The following CTNNA3 variants were observed in gnomAD, a reference collection of about 807,000 sequenced individuals.
CTNNA3 encodes catenin alpha-3.
A neutral mutation model predicts 95.7 loss-of-function variants in CTNNA3; 76 were observed. The observed-to-expected ratio is 0.79, with a 90% CI of 0.66 to 0.96. The LOEUF (loss-of-function observed/expected upper bound fraction) is 0.96, where lower values mean the gene tolerates loss of function less well. Ranked by LOEUF, CTNNA3 falls within the 40% of genes least tolerant of loss-of-function variation. The pLI is 0.00. For synonymous variants in CTNNA3, 431 were observed against 374.4 expected, an observed-to-expected ratio of 1.15 and a Z score of -1.74; for missense variants, 1,191 against 1,089.8, an observed-to-expected ratio of 1.09 and a Z score of -1.31.
rs560030390 is a variant in CTNNA3, at chr10:66,928,469, T to TA, written c.1048-152946dup. 4.5e-6 allele frequency: 7 copies of TA among 1,565,496 alleles called. No individual in the cohort carries two copies. The South Asian group carries it at 4.8e-5, about 11-fold the overall frequency. ...GAGTGTGAGGTATGAACCATTGTGA[T>TA]AAAAAGAGCTCTTAAAAGCTGGGAA... is the stretch of plus-strand genomic sequence containing the variant. On this transcript the variant is annotated intron_variant, in intron 7 of 17. Coordinates refer to ENST00000433211, the MANE Select transcript of CTNNA3 (RefSeq NM_013266.4).
At chr10:67,247,086 TAAA>T (rs1272491408) in intron 5 of CTNNA3, among the ~76,000 whole-genome samples, 1 of 152,092 alleles carries the variant, frequency 6.6e-6, no homozygotes, top group Admixed American at 6.5e-5. Context: ...CTCCTTAAAA[TAAA>T]AAACTAAACA....
chr10:67,054,860 C>A (rs528571013), intron 7 of CTNNA3: 76 of 149,046 alleles, frequency 5.1e-4, no homozygotes, highest in African/African-American at 1.8e-3. Context: ...TCCAACACTT[C>A]CCAAGAGATC....
chr10:66,980,270 T>C (rs1850338202), intron 7 of CTNNA3, among the ~76,000 whole-genome samples: 1 of 152,148 alleles, frequency 6.6e-6, no homozygotes, highest in African/African-American at 2.4e-5. Context: ...CCTTGTCTCT[T>C]CTCCTAAGCC....
chr10:67,567,255 CA>C (rs57832662), intron 3 of CTNNA3, among the ~76,000 whole-genome samples: 9,225 of 135,110 alleles, frequency 0.068, 288 homozygotes, highest in South Asian at 0.14. Flanking sequence ...GAGAAAATGG[CA>C]AAAAAAAAAA....
Position 66,460,849 on chromosome 10 carries a change from C to CT in CTNNA3, c.1531+59767dup, listed in dbSNP as rs555476308. On this transcript the variant is annotated intron_variant, in intron 11 of 17. Coordinates refer to ENST00000433211, the MANE Select transcript of CTNNA3 (RefSeq NM_013266.4). ...CTCTGGCTCCTTGGAACTCACAAAT[C>CT]TTTTTTTTCTCTCAAGAAAGTTCAC... 4.9e-4 allele frequency among the ~76,000 whole-genome samples: 75 copies of CT among 152,096 alleles called. 1 individual carries two copies. The South Asian group carries it at 0.015, about 30-fold the overall frequency.
chr10:66,430,600 A>G lies in CTNNA3; in HGVS notation c.1532-51248T>C, dbSNP rs2093285755. 3.3e-5 allele frequency among the ~76,000 whole-genome samples: 5 copies of G among 152,274 alleles called. No homozygotes were observed. The South Asian group carries it at 1.0e-3, about 32-fold the overall frequency. ...ACAGAGCCCTCAGAAATAATACCAC[A>G]CATCTACAACTATCTGATCTTTGAC... On this transcript the variant is annotated intron_variant, in intron 11 of 17. Transcript: ENST00000433211.
intron 7 of CTNNA3, among the ~76,000 whole-genome samples, chr10:67,159,998 A>T (rs1030549603): frequency 6.6e-6 from 1 of 152,200 alleles, no homozygotes; most frequent in African/African-American, 2.4e-5. Context: ...TATCTAAAAC[A>T]GATCAGTAAT....
intron 9 of CTNNA3, among the ~76,000 whole-genome samples, chr10:66,678,848 C>T (rs548737729): frequency 2.6e-4 from 40 of 151,962 alleles, no homozygotes; most frequent in Middle Eastern, 3.4e-3. Context: ...TGTGTGTGCA[C>T]GCAAGTGTGT....
chr10:66,549,148 C>T (rs1041533271), intron 10 of CTNNA3, among the ~76,000 whole-genome samples: 1 of 151,982 alleles, frequency 6.6e-6, no homozygotes, highest in Non-Finnish European at 1.5e-5. Context: ...CGCCCGCCAC[C>T]ACGCCCAGCT....
intron 13 of CTNNA3, among the ~76,000 whole-genome samples, chr10:66,197,149 T>C (rs1023231569): frequency 6.6e-6 from 1 of 152,146 alleles, no homozygotes; most frequent in Non-Finnish European, 1.5e-5. Context: ...GTGAGAATAA[T>C]CACCTACAAA....
intron 3 of CTNNA3, among the ~76,000 whole-genome samples, chr10:67,562,064 G>A (rs1841533724): frequency 6.6e-6 from 1 of 152,114 alleles, no homozygotes; most frequent in Non-Finnish European, 1.5e-5. Flanking sequence ...AGAGGTACAA[G>A]GAGGAATTGG....
At chr10:67,309,345 C>A (rs1220232136) in intron 5 of CTNNA3, among the ~76,000 whole-genome samples, 1 of 152,130 alleles carries the variant, frequency 6.6e-6, no homozygotes, top group Non-Finnish European at 1.5e-5. Context: ...CATCTCCTGG[C>A]TGATGTTTGT....
intron 7 of CTNNA3, among the ~76,000 whole-genome samples, chr10:66,993,317 C>T (rs1851143106): frequency 6.6e-6 from 1 of 152,156 alleles, no homozygotes; most frequent in Non-Finnish European, 1.5e-5. Flanking sequence ...TAGCCTCAGA[C>T]ATCACTCAAA....
intron 17 of CTNNA3, among the ~76,000 whole-genome samples, chr10:65,921,260 T>C (rs1217016312): frequency 6.6e-6 from 1 of 152,224 alleles, no homozygotes; most frequent in Admixed American, 6.5e-5. Context: ...CCTCATAAAA[T>C]GTTAACATTT....
chr10:67,473,706 AACAAT>A (rs1847911682), intron 5 of CTNNA3, among the ~76,000 whole-genome samples: 1 of 152,336 alleles, frequency 6.6e-6, no homozygotes, highest in African/African-American at 2.4e-5. Flanking sequence ...AATAAAAAAT[AACAAT>A]ACAACAATTA....
At chr10:67,707,177 T>G (rs755394912) in intron 1 of CTNNA3, among the ~76,000 whole-genome samples, 15 of 152,186 alleles carry the variant, frequency 9.9e-5, no homozygotes, top group Non-Finnish European at 1.9e-4. Context: ...TAAGTGATTT[T>G]TCAGAACTTA....
rs2092637522 is a variant in CTNNA3 at position 66,359,608 on chromosome 10, GGA to G, written c.1732+19542_1732+19543del. Among the ~76,000 whole-genome samples the G allele has an allele frequency of 2.6e-5, 4 of 152,164 alleles. No homozygotes were observed. In the South Asian group the frequency reaches 8.3e-4, roughly 32 times the overall value. ...CATTCCCAGACAATAGCATCAATTA[GGA>G]GATACATGCATACCTCTGTTCTGTT... On this transcript the variant is annotated intron_variant, in intron 12 of 17. Transcript: ENST00000433211.
chr10:66,090,978 G>A (rs953119491), intron 14 of CTNNA3, among the ~76,000 whole-genome samples: 15 of 151,916 alleles, frequency 9.9e-5, no homozygotes, highest in African/African-American at 3.6e-4. Flanking sequence ...TAGAAAGCAC[G>A]TAAAAGAAGG....
chr10:66,956,082 C>T (rs1848777156), intron 7 of CTNNA3, among the ~76,000 whole-genome samples: 1 of 152,084 alleles, frequency 6.6e-6, no homozygotes, highest in Admixed American at 6.6e-5. Flanking sequence ...TGTTCTTGTG[C>T]ATTTTGCAAA....
Sources: gnomAD v4.1 joint callset for allele counts (sites outside exome capture counted in the v4.1 genomes callset) on GRCh38, gnomAD v4.1.1 for gene constraint, MANE v1.5 for transcripts, NCBI Gene and HGNC (gene_info 2026-07-23, HGNC 2026-07-21) for gene names.